Variants in NR6A1 observed in about 807,000 individuals in gnomAD.
NR6A1 encodes nuclear receptor subfamily 6 group A member 1.
NR6A1 carries 7 observed loss-of-function variants against 59.1 expected under a neutral mutation model. That is an observed-to-expected ratio of 0.12 (90% CI 0.07 to 0.22). NR6A1 has a LOEUF of 0.22. Among genes scored for constraint, NR6A1 ranks in the 10% least tolerant of loss-of-function variants. NR6A1 has a pLI of 1.00. For missense variants in NR6A1, 468 were observed against 611.6 expected (o/e 0.77, Z 2.48); for synonymous variants, 243 against 236.1 (o/e 1.03, Z -0.27).
intron 7 of NR6A1, among the ~76,000 whole-genome samples, chr9:124,532,527 T>C (rs934026574): frequency 2.6e-5 from 4 of 152,218 alleles, no homozygotes; most frequent in Admixed American, 1.3e-4. Context: ...AAACCATGTC[T>C]GCATCACCTG....
At chr9:124,619,168 CAAT>C (rs1017092635) in intron 2 of NR6A1, among the ~76,000 whole-genome samples, 2 of 152,034 alleles carry the variant, frequency 1.3e-5, no homozygotes, top group African/African-American at 4.8e-5. Flanking sequence ...TTCGTTAAAA[CAAT>C]GAGACAGATC....
In NR6A1 at chr9:124,600,180, C is replaced by T. The variant is rs541927096; in HGVS notation, c.143-45610G>A. Among the ~76,000 whole-genome samples, 10 of 152,298 alleles carry T rather than the reference C, an allele frequency of 6.6e-5. No individual in the cohort carries two copies. In the South Asian group the frequency reaches 2.1e-3, roughly 32 times the overall value. On this transcript the variant is annotated intron_variant, in intron 2 of 9. Coordinates refer to ENST00000487099, the MANE Select transcript of NR6A1 (RefSeq NM_033334.4). ...AAAATGTTTCAAATTCCTTTTTAAA[C>T]TTACAGAGGTTAAAACAAAAAACAA...
chr9:124,545,240 G>A (rs1347451677), intron 3 of NR6A1, among the ~76,000 whole-genome samples: 1 of 152,162 alleles, frequency 6.6e-6, no homozygotes, highest in Non-Finnish European at 1.5e-5. Flanking sequence ...ACTGGTACTT[G>A]TTTTATGTTA....
intron 3 of NR6A1, among the ~76,000 whole-genome samples, chr9:124,552,256 AG>A (rs749045818): frequency 6.6e-6 from 1 of 152,206 alleles, no homozygotes; most frequent in Non-Finnish European, 1.5e-5. Context: ...AAACCAAAAC[AG>A]GGTGAGGGCA....
At chr9:124,697,033 G>T (rs1179865066) in intron 2 of NR6A1, among the ~76,000 whole-genome samples, 3 of 152,108 alleles carry the variant, frequency 2.0e-5, no homozygotes, top group Admixed American at 6.5e-5. Flanking sequence ...CAAAGAACTG[G>T]CTCAAACAGA....
At position 124,768,265 on chromosome 9, in the gene NR6A1, A is replaced by C. The variant is rs1725015273; in HGVS notation, c.100+2755T>G. On this transcript the variant is annotated intron_variant, in intron 1 of 9. Coordinates refer to ENST00000487099, the MANE Select transcript of NR6A1 (RefSeq NM_033334.4). ...CTTGAAAATAGTTCATATAAAATAG[A>C]AATCAGTCACTAGGAGTAAAAAACA... Among the ~76,000 whole-genome samples, 2 of 152,246 alleles carry C rather than the reference A, an allele frequency of 1.3e-5. 1 individual carries two copies. Among genetic ancestry groups the C allele is most frequent in the South Asian group, 4.1e-4 (2 of 4,836 alleles).
intron 2 of NR6A1, among the ~76,000 whole-genome samples, chr9:124,562,427 GT>G (rs889871039): frequency 1.2e-3 from 176 of 147,404 alleles, no homozygotes; most frequent in African/African-American, 3.9e-3. Context: ...AATGTTTTTT[GT>G]TTTTTTTTTG....
intron 2 of NR6A1, among the ~76,000 whole-genome samples, chr9:124,606,546 G>A (rs894830556): frequency 3.3e-5 from 5 of 152,198 alleles, no homozygotes; most frequent in Admixed American, 6.5e-5. Context: ...ATACTTTGGA[G>A]TCAGACAAAC....
At chr9:124,553,387 T>C (rs1833830868) in intron 3 of NR6A1, among the ~76,000 whole-genome samples, 1 of 152,112 alleles carries the variant, frequency 6.6e-6, no homozygotes, top group Non-Finnish European at 1.5e-5. Context: ...GGACTTTTCA[T>C]CTCAGTTCCA....
In NR6A1 at chr9:124,691,769, T is replaced by G. The variant is rs1838553416; in HGVS notation, c.142+41539A>C. Among the ~76,000 whole-genome samples, 5 of 152,358 alleles carry G rather than the reference T, an allele frequency of 3.3e-5. No individual in the cohort carries two copies. In the South Asian group the frequency reaches 1.0e-3, roughly 32 times the overall value. On this transcript the variant is annotated intron_variant, in intron 2 of 9. Coordinates refer to ENST00000487099, the MANE Select transcript of NR6A1 (RefSeq NM_033334.4). The stretch of plus-strand genomic sequence containing the variant: ...CACTAACACCTCTGTGGTAACTTAG[T>G]AATGCAGGATCTCAGCAAAGGAGAT...
At chr9:124,637,332 T>C (rs751301906) in intron 2 of NR6A1, among the ~76,000 whole-genome samples, 1 of 152,182 alleles carries the variant, frequency 6.6e-6, no homozygotes, top group Non-Finnish European at 1.5e-5. Context: ...AAGGCCAGAT[T>C]GGGAAAGGTC....
At chr9:124,532,423 C>T (rs1833128627) in intron 7 of NR6A1, among the ~76,000 whole-genome samples, 1 of 152,142 alleles carries the variant, frequency 6.6e-6, no homozygotes, top group Admixed American at 6.6e-5. Context: ...TCGGATGCCC[C>T]GCCATCTCCA....
chr9:124,731,370 G>GAA (rs779705280), intron 2 of NR6A1, among the ~76,000 whole-genome samples: 2 of 108,800 alleles, frequency 1.8e-5, no homozygotes, highest in African/African-American at 6.8e-5. Flanking sequence ...ACTCCATCTC[G>GAA]AAAAAAAAAA....
chr9:124,555,600 C>T (rs1393764976), intron 2 of NR6A1, among the ~76,000 whole-genome samples: 1 of 152,134 alleles, frequency 6.6e-6, no homozygotes, highest in Admixed American at 6.5e-5. Context: ...TGAGCGACGG[C>T]AAGACCATAT....
At chr9:124,531,350 A>T (rs1292548259) in intron 7 of NR6A1, among the ~76,000 whole-genome samples, 1 of 152,364 alleles carries the variant, frequency 6.6e-6, no homozygotes, top group South Asian at 2.1e-4. Flanking sequence ...CGGTGTGATT[A>T]AGGAATATGG....
chr9:124,534,508 G>C (rs952686641), intron 7 of NR6A1, among the ~76,000 whole-genome samples: 2 of 152,194 alleles, frequency 1.3e-5, no homozygotes, highest in African/African-American at 4.8e-5. Context: ...TGCTTGGACA[G>C]GCCCCAGAAC....
At chr9:124,744,369 C>T (rs924659194) in intron 1 of NR6A1, among the ~76,000 whole-genome samples, 1 of 152,224 alleles carries the variant, frequency 6.6e-6, no homozygotes, top group Admixed American at 6.5e-5. Flanking sequence ...CAGCTTGACA[C>T]TTTACATGAA....
chr9:124,673,950 G>C (rs1017076964), intron 2 of NR6A1, among the ~76,000 whole-genome samples: 1 of 152,100 alleles, frequency 6.6e-6, no homozygotes. Context: ...CACATATTAG[G>C]TGGTAATTAA....
chr9:124,526,632 G>A, intron 8 of NR6A1, 147 bp downstream of exon 8: 2 of 1,183,518 alleles, frequency 1.7e-6, no homozygotes, highest in African/African-American at 1.5e-5. Flanking sequence ...ACAAGGGGGT[G>A]CACAAGTCTT....
Sources: gnomAD v4.1 joint callset for allele counts (sites outside exome capture counted in the v4.1 genomes callset) on GRCh38, gnomAD v4.1.1 for gene constraint, MANE v1.5 for transcripts, NCBI Gene and HGNC (gene_info 2026-07-23, HGNC 2026-07-21) for gene names.